Variants in BAX observed in about 807,000 individuals in gnomAD.
BAX encodes apoptosis regulator BAX.
A neutral mutation model predicts 26.8 loss-of-function variants in BAX; 21 were observed. The ratio of observed to expected loss-of-function variants is 0.78; its 90% confidence interval spans 0.56 to 1.13. The LOEUF is 1.13. Among genes scored for constraint, BAX ranks in the 50% most tolerant of loss-of-function variants. The pLI, the probability that BAX is intolerant of heterozygous loss-of-function variation, is 0.00. For synonymous variants in BAX, 110 were observed against 101.8 expected (o/e 1.08, Z -0.49); for missense variants, 236 against 254.6 (o/e 0.93, Z 0.50).
At chr19:48,956,757 G>A (rs1317103450) in intron 4 of BAX, among the ~76,000 whole-genome samples, 2 of 149,030 alleles carry the variant, frequency 1.3e-5, no homozygotes, top group Non-Finnish European at 3.0e-5. Flanking sequence ...CCAGGTTCAA[G>A]CGATTCTCCT....
At chr19:48,955,096 C>T in intron 1 of BAX, 134 bp downstream of exon 1, 3 of 1,029,652 alleles carry the variant, frequency 2.9e-6, no homozygotes, top group Non-Finnish European at 3.7e-6. Flanking sequence ...GCGCTGCCAG[C>T]CTCCAGTCCC....
At chr19:48,955,220 C>T (rs1423915593) in intron 1 of BAX, 1 of 439,140 alleles carries the variant, frequency 2.3e-6, no homozygotes, top group Admixed American at 4.4e-5. Context: ...CCCGGGCAGG[C>T]CCGGGCTTGT....
rs771339205 is a variant in BAX, at chr19:48,960,924, C to T, written c.474+10C>T. ...AGACCAGGGTGGTTGGGTGAGACTC[C>T]TCAAGCCTCCTCACCCCCACCACCG... is the stretch of plus-strand genomic sequence containing the variant. On this transcript the variant is annotated intron_variant, in intron 5 of 5. Transcript: ENST00000345358. 1.9e-6 allele frequency: 3 copies of T among 1,613,698 alleles called. No homozygotes were observed. The highest frequency in any genetic ancestry group is 1.7e-5 in the Admixed American group (1 of 59,994).
intron 5 of BAX, 129 bp from the exon 6 acceptor site, chr19:48,961,403 A>G: frequency 8.6e-7 from 1 of 1,164,126 alleles, no homozygotes; most frequent in South Asian, 1.5e-5. Flanking sequence ...CAGCTCTTTA[A>G]TGCCCGTTCA....
intron 4 of BAX, among the ~76,000 whole-genome samples, chr19:48,956,798 G>A (rs1242086201): frequency 1.4e-5 from 2 of 148,088 alleles, no homozygotes; most frequent in East Asian, 3.9e-4. Flanking sequence ...TGGGATTATG[G>A]GTGTGCACCA....
chr19:48,955,114 C>T, intron 1 of BAX, 152 bp downstream of exon 1: 1 of 931,454 alleles, frequency 1.1e-6, no homozygotes. Flanking sequence ...CCCCTCCGTC[C>T]TCGGAGGTTC....
intron 4 of BAX, among the ~76,000 whole-genome samples, chr19:48,957,937 T>C (rs1474197412): frequency 1.3e-5 from 2 of 151,920 alleles, no homozygotes; most frequent in Non-Finnish European, 2.9e-5. Flanking sequence ...CATAAGAAAA[T>C]GTGGTGGGGG....
Position 48,960,838 on chromosome 19 carries a change from TC to T in BAX, c.399del (p.Arg134GlufsTer40), listed in dbSNP as rs1195802778. The T allele has an allele frequency of 6.2e-7, 1 of 1,614,024 alleles. No individual in the cohort carries two copies. The highest frequency in any genetic ancestry group is 8.5e-7 in the Non-Finnish European group (1 of 1,179,972). ...CTGTGCACCAAGGTGCCGGAACTGA[TC>T]AGAACCATCATGGGCTGGACATTGG... ...KALCTKVPEL[I>X]RTIMGWTLDF... On this transcript the variant is annotated frameshift_variant, in exon 5 of 6. Transcript: ENST00000345358. LOFTEE classifies it high-confidence loss of function.
At position 48,956,318 on chromosome 19, in the gene BAX, C is replaced by A. The variant is rs1600103299; in HGVS notation, c.354C>A (p.Ser118Arg). The stretch of plus-strand genomic sequence containing the variant: ...TTGTCGCCCTTTTCTACTTTGCCAG[C>A]AAACTGGTGCTCAAGGTGGGCAGCT... ...GRVVALFYFASKLVLKALCTK... is the reference protein window; with the variant it reads ...GRVVALFYFARKLVLKALCTK... Residue 118 changes from serine (S) to arginine (R), a missense_variant, in exon 4 of 6, where the codon AGC becomes AGA. Physicochemically the swap from Ser to Arg is moderately radical, Grantham distance 110. Transcript: ENST00000345358. 1 of 1,572,762 alleles carries A rather than the reference C, an allele frequency of 6.4e-7. No homozygotes were observed.
chr19:48,955,758 A>G lies in BAX; in HGVS notation c.158A>G (p.Asp53Gly). The G allele has an allele frequency of 1.2e-6, 2 of 1,613,224 alleles. No homozygotes were observed. The highest frequency in any genetic ancestry group is 1.7e-6 in the Non-Finnish European group (2 of 1,179,656). Residue 53 changes from aspartate to glycine, a missense_variant, in exon 3 of 6, where the codon GAT (aspartate) becomes GGT (glycine). Physicochemically the swap from Asp to Gly is moderately conservative, Grantham distance 94. Coordinates refer to ENST00000345358, the MANE Select transcript of BAX (RefSeq NM_138761.4). Reference protein sequence around the residue: ...PELALDPVPQDASTKKLSECL... With the variant: ...PELALDPVPQGASTKKLSECL... Reference sequence around the variant, plus strand: ...CTGGCCCTGGACCCGGTGCCTCAGGATGCGTCCACCAAGAAGCTGAGCGAG... The same window carrying G: ...CTGGCCCTGGACCCGGTGCCTCAGGGTGCGTCCACCAAGAAGCTGAGCGAG...
At position 48,955,710 on chromosome 19, in the gene BAX, G is replaced by A. The variant is rs751678403; in HGVS notation, c.110G>A (p.Arg37Gln). ...LQGFIQDRAG[R>Q]MGGEAPELAL... ...AGTTTCATCCAGGATCGAGCAGGGC[G>A]AATGGGGGGGGAGGCACCCGAGCTG... The change falls in exon 3 of 6, where the codon CGA becomes CAA. Residue 37 changes from arginine (R) to glutamine (Q), a missense_variant. Transcript: ENST00000345358. 7.7e-5 allele frequency: 124 copies of A among 1,612,702 alleles called. 1 individual carries two copies. The highest frequency in any genetic ancestry group is 6.6e-4 in the Middle Eastern group (4 of 6,064).
At chr19:48,959,706 A>G (rs2038279767) in intron 4 of BAX, among the ~76,000 whole-genome samples, 2 of 151,102 alleles carry the variant, frequency 1.3e-5, no homozygotes, top group African/African-American at 4.9e-5. Flanking sequence ...GATGCCTGTA[A>G]TACCAGCTGC....
Position 48,954,944 on chromosome 19 carries a change from G to A in BAX, c.16G>A (p.Glu6Lys), listed in dbSNP as rs536405925. The A allele has an allele frequency of 4.8e-6, 6 of 1,245,230 alleles. No individual in the cohort carries two copies. The highest frequency in any genetic ancestry group is 7.6e-5 in the South Asian group (2 of 26,482). 77.1% of individuals were successfully genotyped at this position (1,245,230 alleles called of 1,614,324 possible). The part of the protein sequence containing the change: MDGSG[E>K]QPRGGGPTSS... ...AGCGGCGGTGATGGACGGGTCCGGG[G>A]AGCAGCCCAGAGGCGGGGGTGAGGC... Residue 6 changes from glutamate to lysine, a missense_variant, in exon 1 of 6, where the codon GAG (glutamate) becomes AAG (lysine). Physicochemically the swap from Glu to Lys is moderately conservative, Grantham distance 56. Transcript: ENST00000345358.
chr19:48,960,875 G>A lies in BAX; in HGVS notation c.435G>A (p.Arg145=), dbSNP rs1568608647. 3 of 1,614,108 alleles carry A rather than the reference G, an allele frequency of 1.9e-6. No homozygotes were observed. In the African/African-American group the frequency reaches 4.0e-5, roughly 22 times the overall value. The part of the protein sequence containing the change: ...TIMGWTLDFL[R]ERLLGWIQDQ... Reference sequence around the variant, plus strand: ...TGGGCTGGACATTGGACTTCCTCCGGGAGCGGCTGTTGGGCTGGATCCAAG... The same window carrying A: ...TGGGCTGGACATTGGACTTCCTCCGAGAGCGGCTGTTGGGCTGGATCCAAG... The change falls in exon 5 of 6, where the codon CGG becomes CGA. Residue 145 remains arginine, a synonymous_variant. Coordinates refer to ENST00000345358, the MANE Select transcript of BAX (RefSeq NM_138761.4).
chr19:48,955,849 G>T lies in BAX; in HGVS notation c.233+16G>T. ...AGCTGCAGAGGTGTGGGCCCCTGAGGACCCAGAAGTCCAGCCACTGGGCTC... is the reference window on the plus strand; with the variant it reads ...AGCTGCAGAGGTGTGGGCCCCTGAGTACCCAGAAGTCCAGCCACTGGGCTC... On this transcript the variant is annotated intron_variant, in intron 3 of 5. Transcript: ENST00000345358. The T allele has an allele frequency of 6.4e-7, 1 of 1,557,596 alleles. No homozygotes were observed. Among genetic ancestry groups the T allele is most frequent in the South Asian group, 1.2e-5 (1 of 85,156 alleles).
chr19:48,955,313 T>G (rs1009316), intron 1 of BAX: 21 of 464,634 alleles, frequency 4.5e-5, no homozygotes, highest in Admixed American at 2.9e-4. Flanking sequence ...TCTGGATGCA[T>G]ATAGCGTTCC....
rs1459075984 is a variant in BAX at position 48,955,852 on chromosome 19, C to T, written c.233+19C>T. 2 of 1,554,284 alleles carry T rather than the reference C, an allele frequency of 1.3e-6. No individual in the cohort carries two copies. Among genetic ancestry groups the T allele is most frequent in the Non-Finnish European group, 1.7e-6 (2 of 1,148,096 alleles). On this transcript the variant is annotated intron_variant, in intron 3 of 5. Transcript: ENST00000345358. ...TGCAGAGGTGTGGGCCCCTGAGGAC[C>T]CAGAAGTCCAGCCACTGGGCTCCTT...
intron 4 of BAX, among the ~76,000 whole-genome samples, chr19:48,957,070 G>A (rs1158269354): frequency 6.7e-6 from 1 of 150,252 alleles, no homozygotes; most frequent in Non-Finnish European, 1.5e-5. Flanking sequence ...GTGATCGGGG[G>A]GAAGAGGCAT....
intron 4 of BAX, among the ~76,000 whole-genome samples, chr19:48,959,992 T>A (rs867078943): frequency 9.7e-6 from 1 of 102,686 alleles, no homozygotes. Flanking sequence ...GACTCCATCT[T>A]AAAAAAAAAA....
Sources: gnomAD v4.1 joint callset for allele counts (sites outside exome capture counted in the v4.1 genomes callset) on GRCh38, gnomAD v4.1.1 for gene constraint, MANE v1.5 for transcripts, NCBI Gene and HGNC (gene_info 2026-07-23, HGNC 2026-07-21) for gene names.